Variants in ZNG1C observed in about 807,000 individuals in gnomAD.
ZNG1C encodes the protein zinc-regulated GTPase metalloprotein activator 1C.
the ZNG1C span, among the ~76,000 whole-genome samples, chr9:68,264,821 TTATATATATATATATA>T: frequency 4.0e-5 from 1 of 24,960 alleles, no homozygotes; most frequent in Non-Finnish European, 7.9e-5. Context: ...GGATTGAAGA[TTATATATATATATATA>T]TATATATATA....
the ZNG1C span, among the ~76,000 whole-genome samples, chr9:68,259,615 G>A: frequency 3.3e-5 from 5 of 150,342 alleles, no homozygotes; most frequent in African/African-American, 9.9e-5. Flanking sequence ...AGCTTCAAGC[G>A]ATTCCCTTGT....
chr9:68,247,520 G>T, the ZNG1C span: 1 of 1,582,238 alleles, frequency 6.3e-7, no homozygotes, highest in African/African-American at 1.4e-5. Flanking sequence ...TGCAGTTTCT[G>T]CTTTAAGATC....
At chr9:68,294,778 G>T in the ZNG1C span, among the ~76,000 whole-genome samples, 1 of 148,884 alleles carries the variant, frequency 6.7e-6, no homozygotes, top group South Asian at 2.1e-4. Flanking sequence ...AGAGAAAGAA[G>T]GAATCCTCCC....
chr9:68,271,500 T>C, the ZNG1C span, among the ~76,000 whole-genome samples: 1 of 80,452 alleles, frequency 1.2e-5, no homozygotes, highest in Non-Finnish European at 2.6e-5. Flanking sequence ...GAGGGAATGA[T>C]TGCTCAACTT....
At chr9:68,257,660 T>C in the ZNG1C span, among the ~76,000 whole-genome samples, 2 of 121,768 alleles carry the variant, frequency 1.6e-5, no homozygotes, top group Non-Finnish European at 3.4e-5. Context: ...TTTTTGCTTT[T>C]ATTTTCTCTT....
At chr9:68,247,742 C>T in the ZNG1C span, 1 of 571,028 alleles carries the variant, frequency 1.8e-6, no homozygotes, top group Non-Finnish European at 2.9e-6. Context: ...ACATGGTTTA[C>T]TAGAAATGTT....
the ZNG1C span, among the ~76,000 whole-genome samples, chr9:68,262,891 G>GA: frequency 1.1e-4 from 15 of 137,272 alleles, no homozygotes; most frequent in Non-Finnish European, 1.9e-4. Flanking sequence ...GATGAATTAT[G>GA]AAAAAAATAT....
At chr9:68,249,084 A>G in the ZNG1C span, 3 of 575,426 alleles carry the variant, frequency 5.2e-6, no homozygotes, top group Admixed American at 9.6e-5. Context: ...TGATCAGAGT[A>G]TTTCTTGGTG....
At chr9:68,284,941 CATT>C in the ZNG1C span, among the ~76,000 whole-genome samples, 2 of 147,496 alleles carry the variant, frequency 1.4e-5, no homozygotes, top group Admixed American at 6.8e-5. Flanking sequence ...TTTAGGCAGT[CATT>C]GTCCAACAAC....
chr9:68,256,453 A>C, the ZNG1C span, among the ~76,000 whole-genome samples: 17,918 of 84,872 alleles, frequency 0.21, 28 homozygotes, highest in African/African-American at 0.34. Context: ...ATTACAAGTA[A>C]ATTTTTTTTG....
At chr9:68,246,084 T>A in the ZNG1C span, among the ~76,000 whole-genome samples, 2 of 149,938 alleles carry the variant, frequency 1.3e-5, no homozygotes, top group East Asian at 4.0e-4. Flanking sequence ...ATGTATTTTA[T>A]CTGTGAAAAT....
At chr9:68,297,257 A>C in the ZNG1C span, among the ~76,000 whole-genome samples, 7 of 148,772 alleles carry the variant, frequency 4.7e-5, no homozygotes, top group African/African-American at 1.7e-4. Flanking sequence ...TGTATGTGTT[A>C]CATATATTCT....
chr9:68,259,648 A>G, the ZNG1C span, among the ~76,000 whole-genome samples: 190 of 150,342 alleles, frequency 1.3e-3, no homozygotes, highest in African/African-American at 4.4e-3. Context: ...AGTATCTGGG[A>G]TTACAGGTGC....
chr9:68,271,775 T>C, the ZNG1C span, among the ~76,000 whole-genome samples: 1 of 151,112 alleles, frequency 6.6e-6, no homozygotes, highest in Admixed American at 6.6e-5. Flanking sequence ...TTGGATTTTC[T>C]TCTGTAGGGA....
the ZNG1C span, among the ~76,000 whole-genome samples, chr9:68,287,107 CGAAT>C: frequency 6.6e-6 from 1 of 151,170 alleles, no homozygotes. Context: ...CATAGAATCT[CGAAT>C]GAACCCCTAT....
the ZNG1C span, among the ~76,000 whole-genome samples, chr9:68,282,622 G>A: frequency 1.1e-5 from 1 of 90,494 alleles, no homozygotes. Context: ...AATAAAGAAA[G>A]AAAAAAGAAA....
chr9:68,299,449 T>C, the ZNG1C span: 1 of 530,490 alleles, frequency 1.9e-6, no homozygotes, highest in Non-Finnish European at 3.3e-6. Flanking sequence ...ATAAGCATAA[T>C]GTAATCACGT....
chr9:68,281,235 C>T, the ZNG1C span, among the ~76,000 whole-genome samples: 15 of 152,274 alleles, frequency 9.9e-5, no homozygotes, highest in African/African-American at 3.4e-4. Flanking sequence ...CGCCCACTGT[C>T]TGGCACTACC....
chr9:68,280,931 C>G, the ZNG1C span, among the ~76,000 whole-genome samples: 3 of 107,290 alleles, frequency 2.8e-5, no homozygotes, highest in African/African-American at 1.1e-4. Context: ...GCCCCTCCCC[C>G]AGCCTCGCTG....
Sources: gnomAD v4.1 joint callset for allele counts (sites outside exome capture counted in the v4.1 genomes callset) on GRCh38, gnomAD v4.1.1 for gene constraint, MANE v1.5 for transcripts, NCBI Gene and HGNC (gene_info 2026-07-23, HGNC 2026-07-21) for gene names.